ZNF138: variants seen among roughly 807,000 people sequenced by gnomAD.
The protein encoded by ZNF138 is zinc finger protein 138 (clone pHZ-32).
In ZNF138, 33 loss-of-function variants were observed where a neutral mutation model predicts 33.0. The ratio of observed to expected loss-of-function variants is 1.00; its 90% CI spans 0.76 to 1.34. The LOEUF (loss-of-function observed/expected upper bound fraction) is 1.34. Ranked by LOEUF, ZNF138 falls within the 40% of genes most tolerant of loss-of-function variation. The pLI is 0.00. For synonymous variants in ZNF138, 139 were observed against 120.4 expected, an observed-to-expected ratio of 1.15 and a Z score of -1.01; for missense variants, 360 against 370.8, an observed-to-expected ratio of 0.97 and a Z score of 0.24.
chr7:64,815,456 A>G (rs1004003667), intron 2 of ZNF138, 120 bp from the exon 3 acceptor site: 14 of 724,758 alleles, frequency 1.9e-5, no homozygotes, highest in African/African-American at 3.7e-5. Context: ...GGATTAATTT[A>G]CTAGAATATT....
chr7:64,855,035 G>T, the ZNF138 span, among the ~76,000 whole-genome samples: 1 of 152,140 alleles, frequency 6.6e-6, no homozygotes, highest in Non-Finnish European at 1.5e-5. Context: ...ACAAAAGATA[G>T]TATGACTAGA....
Position 64,794,589 on chromosome 7 carries a change from G to A in ZNF138, c.3+18G>A, listed in dbSNP as rs751335356. ...TAGAAATGGTGAGAGTGCTGGGTCC[G>A]ACATCCCGAGAGAGGGGGAGGGAGC... On this transcript the variant is annotated intron_variant, in intron 1 of 3. Coordinates refer to ENST00000307355, the MANE Select transcript of ZNF138 (RefSeq NM_001271639.2). The A allele has an allele frequency of 1.4e-5, 22 of 1,613,346 alleles. No homozygotes were observed. Among genetic ancestry groups the A allele is most frequent in the Middle Eastern group, 1.7e-4 (1 of 6,060 alleles).
At chr7:64,853,460 T>C in the ZNF138 span, 1 of 635,030 alleles carries the variant, frequency 1.6e-6, no homozygotes, top group African/African-American at 1.8e-5. Flanking sequence ...CGAGTTAAAC[T>C]TTTTTCTATA....
intron 3 of ZNF138, among the ~76,000 whole-genome samples, chr7:64,826,105 A>G (rs1789590200): frequency 6.6e-6 from 1 of 152,054 alleles, no homozygotes; most frequent in Non-Finnish European, 1.5e-5. Flanking sequence ...CCAAAACCCT[A>G]GGATTAATTT....
chr7:64,818,001 T>A (rs1041922834), intron 3 of ZNF138, among the ~76,000 whole-genome samples: 6 of 144,652 alleles, frequency 4.1e-5, no homozygotes, highest in Non-Finnish European at 6.2e-5. Context: ...TTATTATTTT[T>A]TTTTTTTTTT....
At chr7:64,838,310 C>T (rs987407283), downstream of ZNF138, among the ~76,000 whole-genome samples, 5 of 152,148 alleles carry the variant, frequency 3.3e-5, no homozygotes, top group African/African-American at 7.2e-5. Flanking sequence ...GGCGTGTTGG[C>T]GGCTTGGGGT....
At chr7:64,801,610 A>G (rs1787143810) in intron 1 of ZNF138, among the ~76,000 whole-genome samples, 1 of 152,182 alleles carries the variant, frequency 6.6e-6, no homozygotes, top group African/African-American at 2.4e-5. Context: ...TATGTGCCAC[A>G]TGGTGCTGAG....
chr7:64,842,297 C>T, the ZNF138 span, among the ~76,000 whole-genome samples: 140,184 of 152,234 alleles, frequency 0.92, 65,639 homozygotes, highest in Non-Finnish European at 1. Flanking sequence ...CTCCTGACCT[C>T]GTGATCTGCC....
the ZNF138 span, among the ~76,000 whole-genome samples, chr7:64,847,332 ATTT>A: frequency 5.7e-4 from 73 of 128,130 alleles, no homozygotes; most frequent in East Asian, 3.9e-3. Flanking sequence ...ATATATATAT[ATTT>A]TTTTTTTTTT....
chr7:64,835,614 A>T (rs995845997), downstream of ZNF138: 1 of 151,786 alleles, frequency 6.6e-6, no homozygotes, highest in Non-Finnish European at 1.5e-5. Context: ...ACACGTTGAG[A>T]TAATAGCAGC....
chr7:64,821,633 A>C (rs1789152907), intron 3 of ZNF138, among the ~76,000 whole-genome samples: 12 of 146,872 alleles, frequency 8.2e-5, no homozygotes, highest in Admixed American at 8.1e-4. Flanking sequence ...TGCAACCTCC[A>C]CCTCCCGGGT....
At chr7:64,824,390 G>C (rs1789407473) in intron 3 of ZNF138, among the ~76,000 whole-genome samples, 1 of 152,154 alleles carries the variant, frequency 6.6e-6, no homozygotes, top group Non-Finnish European at 1.5e-5. Flanking sequence ...TTCTTGTACA[G>C]TCTGCCAAAC....
At chr7:64,825,422 T>C (rs11979200) in intron 3 of ZNF138, among the ~76,000 whole-genome samples, 149,229 of 151,460 alleles carry the variant, frequency 0.99, 73,551 homozygotes, top group Non-Finnish European at 1. Context: ...CTGCCCACCT[T>C]GGCCTCCCAA....
chr7:64,823,110 C>T (rs1450161856), intron 3 of ZNF138, among the ~76,000 whole-genome samples: 1 of 152,028 alleles, frequency 6.6e-6, no homozygotes. Flanking sequence ...GAACTCCCGA[C>T]CTCAGGTGAT....
rs886852511 is a variant in ZNF138 at position 64,815,434 on chromosome 7, A to G, written c.131-142A>G. Reference sequence around the variant, plus strand: ...AAATATTTAGAATTTTCTGTTATATATTAGCATTTTGGGATTAATTTACTA... The same window carrying G: ...AAATATTTAGAATTTTCTGTTATATGTTAGCATTTTGGGATTAATTTACTA... On this transcript the variant is annotated intron_variant, in intron 2 of 3. Coordinates refer to ENST00000307355, the MANE Select transcript of ZNF138 (RefSeq NM_001271639.2). 5.1e-6 allele frequency: 3 copies of G among 591,486 alleles called. No homozygotes were observed. The African/African-American group carries it at 5.9e-5, about 12-fold the overall frequency. 36.6% of individuals were successfully genotyped at this position (591,486 alleles called of 1,614,324 possible). A position where few individuals can be genotyped will look rare whatever the true frequency, so the allele number is the denominator to read the frequency against.
the ZNF138 span, among the ~76,000 whole-genome samples, chr7:64,850,421 C>G: frequency 6.6e-6 from 1 of 152,252 alleles, no homozygotes; most frequent in African/African-American, 2.4e-5. Context: ...TCTCCACATA[C>G]TGCTCTGAGT....
At chr7:64,803,214 A>AT (rs1177315085) in intron 1 of ZNF138, among the ~76,000 whole-genome samples, 1 of 144,270 alleles carries the variant, frequency 6.9e-6, no homozygotes, top group Non-Finnish European at 1.5e-5. Flanking sequence ...GATTGTCTTT[A>AT]TCTAGGACCT....
At chr7:64,852,952 T>C in the ZNF138 span, 1 of 1,306,584 alleles carries the variant, frequency 7.7e-7, no homozygotes, top group Non-Finnish European at 1.1e-6. Flanking sequence ...CTTTATCCAT[T>C]TCCCTGTTGG....
the ZNF138 span, among the ~76,000 whole-genome samples, chr7:64,839,942 T>C: frequency 6.6e-6 from 1 of 151,594 alleles, no homozygotes; most frequent in South Asian, 2.1e-4. Flanking sequence ...GAAGTCGCAC[T>C]GTGCCAAAGG....
Sources: gnomAD v4.1 joint callset for allele counts (sites outside exome capture counted in the v4.1 genomes callset) on GRCh38, gnomAD v4.1.1 for gene constraint, MANE v1.5 for transcripts, NCBI Gene and HGNC (gene_info 2026-07-23, HGNC 2026-07-21) for gene names.